IDE: variants seen among roughly 807,000 people sequenced by gnomAD.
IDE encodes insulin-degrading enzyme.
A neutral mutation model predicts 133.2 loss-of-function variants in IDE; 58 were observed. The observed-to-expected ratio is 0.44, with a 90% CI of 0.35 to 0.54. The LOEUF (loss-of-function observed/expected upper bound fraction) is 0.54, where lower values mean the gene tolerates loss of function less well. IDE is among the 20% of genes least tolerant of loss of function. The pLI is 0.00. For missense variants in IDE, 981 were observed against 1,234.0 expected (o/e 0.79, Z 3.07); for synonymous variants, 396 against 421.3 (o/e 0.94, Z 0.73).
intron 11 of IDE, among the ~76,000 whole-genome samples, chr10:92,492,827 G>C (rs79257100): frequency 6.6e-6 from 1 of 152,136 alleles, no homozygotes; most frequent in Non-Finnish European, 1.5e-5. Context: ...AACGCTAGTA[G>C]TCTGAACTAC....
At position 92,474,918 on chromosome 10, in the gene IDE, T is replaced by C. The variant is rs1846164890; in HGVS notation, c.2039A>G (p.Gln680Arg). The change falls in exon 17 of 25, where the codon CAG (glutamine) becomes CGG (arginine). Residue 680 changes from glutamine to arginine, a missense_variant. Gln to Arg is a conservative substitution (Grantham distance 43, BLOSUM62 1). Around this residue, in one of 2 missense-constraint regions of IDE, gnomAD observed 660 missense variants for 894.7 expected, o/e 0.74. Coordinates refer to ENST00000265986, the MANE Select transcript of IDE (RefSeq NM_004969.4). Reference sequence around the variant, plus strand: ...CAAGCGGAGGTAGTACATGGCATGCTGGTGAGGCTGTTCAGCCCGGAAATT... The same window carrying C: ...CAAGCGGAGGTAGTACATGGCATGCCGGTGAGGCTGTTCAGCCCGGAAATT... ...LNNFRAEQPH[Q>R]HAMYYLRLLM... 5 of 1,613,420 alleles carry C rather than the reference T, an allele frequency of 3.1e-6. No individual in the cohort carries two copies. Among genetic ancestry groups the C allele is most frequent in the Non-Finnish European group, 4.2e-6 (5 of 1,179,412 alleles).
intron 1 of IDE, among the ~76,000 whole-genome samples, chr10:92,548,773 T>G (rs903346654): frequency 1.3e-5 from 2 of 152,198 alleles, no homozygotes; most frequent in African/African-American, 4.8e-5. Flanking sequence ...AATTATCCCT[T>G]TATAATTGCT....
chr10:92,536,501 C>G (rs1387397559), intron 2 of IDE, among the ~76,000 whole-genome samples: 1 of 147,216 alleles, frequency 6.8e-6, no homozygotes, highest in East Asian at 2.1e-4. Flanking sequence ...GAGTTCAAGA[C>G]CAGCCTGACC....
At chr10:92,519,165 T>C (rs147494480) in intron 4 of IDE, among the ~76,000 whole-genome samples, 1 of 152,296 alleles carries the variant, frequency 6.6e-6, no homozygotes, top group East Asian at 1.9e-4. Flanking sequence ...AGTGAATCAT[T>C]ATACAAAAAG....
At position 92,474,838 on chromosome 10, in the gene IDE, C is replaced by T. The variant is rs187237061; in HGVS notation, c.2116+3G>A. Reference sequence around the variant, plus strand: ...GCATTAAGCTTTAAGTAGAAAGTCTCACCATCCAGAGCTTCTTTTAACTCA... The same window carrying T: ...GCATTAAGCTTTAAGTAGAAAGTCTTACCATCCAGAGCTTCTTTTAACTCA... On this transcript the variant is annotated splice_donor_region_variant and intron_variant, in intron 17 of 24. Transcript: ENST00000265986. 4.8e-5 allele frequency: 77 copies of T among 1,604,846 alleles called. No individual in the cohort carries two copies. Among genetic ancestry groups the T allele is most frequent in the South Asian group, 6.8e-5 (6 of 88,532 alleles).
chr10:92,482,115 A>G (rs1846647190), intron 14 of IDE, among the ~76,000 whole-genome samples: 1 of 152,180 alleles, frequency 6.6e-6, no homozygotes, highest in Admixed American at 6.5e-5. Context: ...TTGATGGAAA[A>G]TCAAATTCCT....
intron 19 of IDE, 64 bp from the exon 20 acceptor site, chr10:92,465,907 G>A (rs1241387367): frequency 1.5e-6 from 2 of 1,327,644 alleles, no homozygotes; most frequent in Non-Finnish European, 2.2e-6. Flanking sequence ...TAAAGTCAAT[G>A]CTATGTCTGC....
rs1409032360 is a variant in IDE, at chr10:92,495,116, T to C, written c.1431-4521A>G. ...TCTTGCTCTGTCGCCCAGGCTGGAG[T>C]GCAGTGGTATGATCTCGGCTCCCTG... On this transcript the variant is annotated intron_variant, in intron 11 of 24. Transcript: ENST00000265986. 1.3e-5 allele frequency among the ~76,000 whole-genome samples: 2 copies of C among 151,094 alleles called. 1 individual carries two copies. The highest frequency in any genetic ancestry group is 2.9e-5 in the Non-Finnish European group (2 of 67,872).
At chr10:92,573,618 T>C (rs1843900310) in intron 1 of IDE, among the ~76,000 whole-genome samples, 1 of 152,188 alleles carries the variant, frequency 6.6e-6, no homozygotes, top group Non-Finnish European at 1.5e-5. Context: ...CGGGTGACTC[T>C]GTCCGCCCCT....
chr10:92,488,833 A>G (rs1847173904), intron 12 of IDE, among the ~76,000 whole-genome samples: 1 of 149,292 alleles, frequency 6.7e-6, no homozygotes, highest in East Asian at 2.0e-4. Flanking sequence ...CACAACCTGT[A>G]GTAGACTGGA....
chr10:92,484,038 C>T (rs1846790710), intron 13 of IDE, among the ~76,000 whole-genome samples: 1 of 152,156 alleles, frequency 6.6e-6, no homozygotes, highest in African/African-American at 2.4e-5. Context: ...CCTTGGCCAA[C>T]AGCTTGACTA....
rs745760260 is a variant in IDE at position 92,527,117 on chromosome 10, A to T, written c.661+4631T>A. 7.2e-4 allele frequency among the ~76,000 whole-genome samples: 110 copies of T among 152,298 alleles called. 2 individuals carry two copies. The highest frequency in any genetic ancestry group is 4.3e-4 in the Non-Finnish European group (29 of 68,020). The stretch of plus-strand genomic sequence containing the variant: ...ATTTCCTCTATCTGAAGATAAAAAA[A>T]ATTCTCATATATTTTCTTTTAAAAG... On this transcript the variant is annotated intron_variant, in intron 4 of 24. Transcript: ENST00000265986.
chr10:92,490,466 G>T (rs765173685), intron 12 of IDE, 27 bp downstream of exon 12: 8 of 1,346,150 alleles, frequency 5.9e-6, no homozygotes, highest in Non-Finnish European at 8.5e-6. Context: ...CACATGTCAG[G>T]CTTATTCATA....
intron 13 of IDE, among the ~76,000 whole-genome samples, chr10:92,485,121 C>CTTT (rs1469725925): frequency 7.3e-4 from 74 of 101,384 alleles, no homozygotes; most frequent in Non-Finnish European, 9.8e-4. Context: ...TTCTTTCTTT[C>CTTT]TTTCTTTTTT....
At chr10:92,555,922 C>T (rs1438774002) in intron 1 of IDE, among the ~76,000 whole-genome samples, 17 of 152,064 alleles carry the variant, frequency 1.1e-4, no homozygotes. Flanking sequence ...GCCTGTAATC[C>T]CAGCACTTTG....
chr10:92,459,996 ATTT>A (rs1287745359), intron 22 of IDE, among the ~76,000 whole-genome samples: 2 of 151,486 alleles, frequency 1.3e-5, no homozygotes, highest in Non-Finnish European at 2.9e-5. Flanking sequence ...TGCCCAGCTA[ATTT>A]TTTTATTATT....
At chr10:92,478,163 T>C (rs1408302411) in intron 15 of IDE, among the ~76,000 whole-genome samples, 5 of 152,236 alleles carry the variant, frequency 3.3e-5, no homozygotes, top group African/African-American at 1.2e-4. Context: ...ATTTAATAAA[T>C]GCTTATTTTA....
rs571381970 is a variant in IDE, at chr10:92,515,480, C to T, written c.662-438G>A. On this transcript the variant is annotated intron_variant, in intron 4 of 24. Transcript: ENST00000265986. ...TTCACTGTGTTAGCCAGGCTGGTCTCGATCTCCTGACCTCGTGATCCGCCC... is the reference window on the plus strand; with the variant it reads ...TTCACTGTGTTAGCCAGGCTGGTCTTGATCTCCTGACCTCGTGATCCGCCC... Among the ~76,000 whole-genome samples, 20 of 149,952 alleles carry T rather than the reference C, an allele frequency of 1.3e-4. No individual in the cohort carries two copies. In the East Asian group the frequency reaches 3.6e-3, roughly 27 times the overall value.
chr10:92,479,659 A>G (rs1041009888), intron 14 of IDE: 2 of 381,544 alleles, frequency 5.2e-6, no homozygotes, highest in Non-Finnish European at 9.6e-6. Flanking sequence ...GCGCACTGGT[A>G]GTAGTGAAGA....
Sources: allele counts gnomAD v4.1 joint callset (sites outside exome capture counted in the v4.1 genomes callset), GRCh38; gene constraint gnomAD v4.1.1; regional missense constraint gnomAD v4.1.1; transcripts MANE v1.5; gene names NCBI Gene and HGNC (gene_info 2026-07-23, HGNC 2026-07-21).